The following MAP4 variants were observed in gnomAD, a reference collection of about 807,000 sequenced individuals.
MAP4 encodes the protein microtubule-associated protein 4.
A neutral mutation model predicts 170.2 loss-of-function variants in MAP4; 76 were observed. That is an observed-to-expected ratio of 0.45 (90% CI 0.37 to 0.54). The LOEUF (loss-of-function observed/expected upper bound fraction) is 0.54, where lower values mean the gene tolerates loss of function less well. MAP4 is among the 20% of genes least tolerant of loss of function. The pLI is 0.00. For missense variants in MAP4, 2,506 were observed against 2,748.0 expected (o/e 0.91, Z 1.97); for synonymous variants, 909 against 994.5 (o/e 0.91, Z 1.62).
chr3:48,026,903 T>C (rs1013685328), intron 1 of MAP4, among the ~76,000 whole-genome samples: 3 of 152,192 alleles, frequency 2.0e-5, no homozygotes, highest in Non-Finnish European at 2.9e-5. Context: ...TCACCACGAC[T>C]ACCCCCCAAA....
chr3:47,983,680 GC>G (rs2100086813), intron 2 of MAP4, among the ~76,000 whole-genome samples: 1 of 151,792 alleles, frequency 6.6e-6, no homozygotes, highest in Non-Finnish European at 1.5e-5. Context: ...GAGCCACCAC[GC>G]CCAGACAATT....
At chr3:48,076,078 A>C (rs1313961377) in intron 1 of MAP4, among the ~76,000 whole-genome samples, 1 of 151,960 alleles carries the variant, frequency 6.6e-6, no homozygotes, top group Non-Finnish European at 1.5e-5. Flanking sequence ...AACTAAATAC[A>C]ACAGCTAAAA....
chr3:47,852,868 G>A lies in MAP4; in HGVS notation c.*66C>T, dbSNP rs747815759. On this transcript the variant is annotated 3_prime_UTR_variant, in exon 21 of 21. Coordinates refer to ENST00000683076, the MANE Select transcript of MAP4 (RefSeq NM_001385682.1). ...GCCGCCAGGGAAGTGTGGGGGGCGG[G>A]AGACAATGTCGGCCCCGTGGTCGGT... 1.5e-4 allele frequency: 240 copies of A among 1,574,166 alleles called. No individual in the cohort carries two copies. Among genetic ancestry groups the A allele is most frequent in the Non-Finnish European group, 2.0e-4 (229 of 1,159,910 alleles).
chr3:47,948,630 T>C (rs1272720132), intron 3 of MAP4, among the ~76,000 whole-genome samples: 1 of 151,932 alleles, frequency 6.6e-6, no homozygotes, highest in African/African-American at 2.4e-5. Flanking sequence ...TGATCAATTT[T>C]CTTTTTTTTG....
At chr3:48,076,487 A>G (rs572252674) in intron 1 of MAP4, among the ~76,000 whole-genome samples, 44 of 150,280 alleles carry the variant, frequency 2.9e-4, no homozygotes, top group African/African-American at 1.1e-3. Context: ...GGGTGACAGA[A>G]CGAGACTACA....
intron 1 of MAP4, among the ~76,000 whole-genome samples, chr3:48,025,942 T>TAATAATAAC (rs2100112919): frequency 6.9e-6 from 1 of 144,458 alleles, no homozygotes; most frequent in Non-Finnish European, 1.5e-5. Context: ...ATAATAACAA[T>TAATAATAAC]AATAATAATA....
intron 1 of MAP4, among the ~76,000 whole-genome samples, chr3:48,065,446 C>T (rs1431004048): frequency 6.6e-6 from 1 of 152,190 alleles, no homozygotes; most frequent in Non-Finnish European, 1.5e-5. Context: ...CCAAAGCTTT[C>T]AATTCAAAGG....
At chr3:48,080,368 G>A (rs1286141955) in intron 1 of MAP4, among the ~76,000 whole-genome samples, 1 of 152,214 alleles carries the variant, frequency 6.6e-6, no homozygotes, top group African/African-American at 2.4e-5. Flanking sequence ...CTACGAGGAG[G>A]AAGAAGTCCA....
At chr3:47,970,128 T>A (rs1380861016) in intron 3 of MAP4, among the ~76,000 whole-genome samples, 1 of 152,188 alleles carries the variant, frequency 6.6e-6, no homozygotes, top group Admixed American at 6.5e-5. Flanking sequence ...ACTACCTACA[T>A]GCAAAGCCCT....
rs1411093995 is a variant in MAP4 at position 47,909,755 on chromosome 3, G to A, written c.4666C>T (p.His1556Tyr). 14 of 1,613,980 alleles carry A rather than the reference G, an allele frequency of 8.7e-6. No homozygotes were observed. The highest frequency in any genetic ancestry group is 1.3e-5 in the African/African-American group (1 of 75,038). ...GHVIGESESVHSGASKHSVEK... is the reference protein window; with the variant it reads ...GHVIGESESVYSGASKHSVEK... ...ACTGAATGCTTAGACGCACCACTGT[G>A]CACTGACTCAGATTCTCCTATCACA... The change falls in exon 9 of 21, where the codon CAC (histidine) becomes TAC (tyrosine). Residue 1556 changes from histidine to tyrosine, a missense_variant. Physicochemically the swap from His to Tyr is moderately conservative, Grantham distance 83. Around this residue, in one of 3 missense-constraint regions of MAP4, gnomAD observed 2,008 missense variants for 2,206.0 expected, o/e 0.91. Coordinates refer to ENST00000683076, the MANE Select transcript of MAP4 (RefSeq NM_001385682.1).
Position 47,910,954 on chromosome 3 carries a change from G to C in MAP4, c.3467C>G (p.Ala1156Gly). Residue 1156 changes from alanine (A) to glycine (G), a missense_variant, in exon 9 of 21, where the codon GCA (alanine) becomes GGA (glycine). This residue lies in a region of MAP4 where 2,008 missense variants were observed against 2,206.0 expected (regional missense o/e 0.91). Transcript: ENST00000683076. ...TGATCCACTTTCCAAAGGAATCAAT[G>C]CCTGCATGGTGCCTGCCACCTTAGG... is the stretch of plus-strand genomic sequence containing the variant. ...TQPKVAGTMQALIPLESGSGM... is the reference protein window; with the variant it reads ...TQPKVAGTMQGLIPLESGSGM... 1.3e-6 allele frequency: 2 copies of C among 1,536,118 alleles called. No homozygotes were observed. Among genetic ancestry groups the C allele is most frequent in the Non-Finnish European group, 1.7e-6 (2 of 1,146,880 alleles).
At chr3:47,945,265 T>C (rs1292507835) in intron 3 of MAP4, among the ~76,000 whole-genome samples, 1 of 151,964 alleles carries the variant, frequency 6.6e-6, no homozygotes, top group Non-Finnish European at 1.5e-5. Flanking sequence ...GACAGGAGAA[T>C]TGCTTGAATC....
rs1325031159 is a variant in MAP4, at chr3:47,851,330, G to A, written c.*1604C>T. The A allele has an allele frequency of 6.6e-6, 1 of 152,210 alleles. No individual in the cohort carries two copies. Among genetic ancestry groups the A allele is most frequent in the African/African-American group, 2.4e-5 (1 of 41,406 alleles). The allele number at this position is 152,210 out of a possible 1,614,324, so 9.4% of individuals were successfully genotyped here. A position where few individuals can be genotyped will look rare whatever the true frequency, so the allele number is the denominator to read the frequency against. Reference sequence around the variant, plus strand: ...CAAGGCACTGCTACCTCAGAAAGGGGGAGGACCTGTCAGGCCCAGGACAGC... The same window carrying A: ...CAAGGCACTGCTACCTCAGAAAGGGAGAGGACCTGTCAGGCCCAGGACAGC... On this transcript the variant is annotated 3_prime_UTR_variant, in exon 21 of 21. Coordinates refer to ENST00000683076, the MANE Select transcript of MAP4 (RefSeq NM_001385682.1).
intron 9 of MAP4, among the ~76,000 whole-genome samples, chr3:47,903,402 G>A (rs1395771712): frequency 1.3e-5 from 2 of 152,122 alleles, no homozygotes; most frequent in Non-Finnish European, 2.9e-5. Context: ...GCATAGTGGT[G>A]GGCGCCTGTA....
In MAP4 at chr3:47,966,348, G is replaced by A. The variant is rs183271800; in HGVS notation, c.292+11517C>T. 3.1e-3 allele frequency among the ~76,000 whole-genome samples: 443 copies of A among 141,816 alleles called. 2 individuals are homozygous for A. Among genetic ancestry groups the A allele is most frequent in the Non-Finnish European group, 4.3e-3 (289 of 66,468 alleles). The allele number at this position is 141,816 out of a possible 152,430, so 93.0% of individuals were successfully genotyped here. ...TGTAAGCTCTGCCTCCTAGGTTCAT[G>A]CCATTCTCCTGCCTCAGCCTCCTGA... On this transcript the variant is annotated intron_variant, in intron 3 of 20. Coordinates refer to ENST00000683076, the MANE Select transcript of MAP4 (RefSeq NM_001385682.1).
chr3:47,947,921 T>G (rs2100061197), intron 3 of MAP4, among the ~76,000 whole-genome samples: 1 of 152,176 alleles, frequency 6.6e-6, no homozygotes, highest in South Asian at 2.1e-4. Flanking sequence ...ATGCAGCAAT[T>G]TGCTTTCTAC....
intron 1 of MAP4, among the ~76,000 whole-genome samples, chr3:48,030,085 A>G (rs1170512552): frequency 6.7e-6 from 1 of 148,260 alleles, no homozygotes; most frequent in Non-Finnish European, 1.5e-5. Context: ...TATATTATAT[A>G]TTTTATATAT....
At chr3:47,986,612 T>C (rs1476232982) in intron 2 of MAP4, among the ~76,000 whole-genome samples, 1 of 152,128 alleles carries the variant, frequency 6.6e-6, no homozygotes, top group Non-Finnish European at 1.5e-5. Flanking sequence ...AGTGCTGAGA[T>C]TACAGGCTTG....
intron 2 of MAP4, 102 bp downstream of exon 2, chr3:47,998,536 T>C: frequency 1.1e-6 from 1 of 906,916 alleles, no homozygotes; most frequent in Non-Finnish European, 1.7e-6. Context: ...TAGCCTACAC[T>C]AAAAAAACTC....
Sources: gnomAD v4.1 joint callset for allele counts (sites outside exome capture counted in the v4.1 genomes callset) on GRCh38, gnomAD v4.1.1 for gene constraint, gnomAD v4.1.1 regional missense constraint, MANE v1.5 for transcripts, NCBI Gene and HGNC (gene_info 2026-07-23, HGNC 2026-07-21) for gene names.